RINT1: variants seen among roughly 807,000 people sequenced by gnomAD.
The protein encoded by RINT1 is RAD50 interactor 1.
In RINT1, 75 loss-of-function variants were observed where a neutral mutation model predicts 97.7. The observed-to-expected ratio is 0.77, with a 90% CI of 0.64 to 0.93. The LOEUF (loss-of-function observed/expected upper bound fraction) is 0.93, where lower values mean the gene tolerates loss of function less well. Among genes scored for constraint, RINT1 ranks in the 40% least tolerant of loss-of-function variants. The probability of loss-of-function intolerance (pLI) is 0.00; values close to 1 mark genes in which losing one functional copy is unlikely to be tolerated. For missense variants in RINT1, 892 were observed against 925.2 expected (o/e 0.96, Z 0.47); for synonymous variants, 303 against 326.3 (o/e 0.93, Z 0.77).
At chr7:105,534,969 A>G (rs1790167123) in intron 2 of RINT1, among the ~76,000 whole-genome samples, 1 of 152,214 alleles carries the variant, frequency 6.6e-6, no homozygotes, top group African/African-American at 2.4e-5. Context: ...GTTGACCAAT[A>G]TCTGACATTT....
At chr7:105,538,903 C>T (rs1008609558) in intron 3 of RINT1, among the ~76,000 whole-genome samples, 2 of 152,132 alleles carry the variant, frequency 1.3e-5, no homozygotes, top group Non-Finnish European at 2.9e-5. Flanking sequence ...ACCCTGTGTT[C>T]GTCAACCAGT....
At chr7:105,541,131 C>T (rs118146166) in intron 3 of RINT1, among the ~76,000 whole-genome samples, 2 of 150,756 alleles carry the variant, frequency 1.3e-5, no homozygotes, top group African/African-American at 4.9e-5. Context: ...AGTCACCGCA[C>T]CCAGCTTGCA....
chr7:105,539,425 A>G (rs1414778881), intron 3 of RINT1, among the ~76,000 whole-genome samples: 2 of 149,322 alleles, frequency 1.3e-5, no homozygotes, highest in African/African-American at 2.5e-5. Context: ...CAATGGCACA[A>G]TCTTGGCTCA....
At chr7:105,549,968 G>C in intron 7 of RINT1, 87 bp from the exon 8 acceptor site, 1 of 802,510 alleles carries the variant, frequency 1.2e-6, no homozygotes, top group Non-Finnish European at 2.0e-6. Flanking sequence ...TATAAGTGTT[G>C]TGCATATACA....
chr7:105,535,134 T>G (rs966809818), intron 2 of RINT1, among the ~76,000 whole-genome samples: 1 of 152,162 alleles, frequency 6.6e-6, no homozygotes, highest in African/African-American at 2.4e-5. Flanking sequence ...ATTTTGATTT[T>G]TTCCTAGTAA....
At chr7:105,535,621 T>C (rs756773711) in intron 2 of RINT1, 3 of 453,278 alleles carry the variant, frequency 6.6e-6, no homozygotes, top group Non-Finnish European at 1.3e-5. Context: ...AGTGAGATCA[T>C]GGCTCACTGC....
intron 3 of RINT1, among the ~76,000 whole-genome samples, chr7:105,538,204 G>A (rs1308151308): frequency 2.0e-5 from 3 of 152,072 alleles, no homozygotes; most frequent in African/African-American, 4.8e-5. Flanking sequence ...CTTGGGCCAA[G>A]ATGGTTTCGA....
chr7:105,546,006 G>A (rs901175461), intron 4 of RINT1, among the ~76,000 whole-genome samples: 2 of 146,728 alleles, frequency 1.4e-5, no homozygotes, highest in Non-Finnish European at 3.0e-5. Flanking sequence ...GGATGGGGAA[G>A]GGGGGGCGGG....
chr7:105,564,070 A>C, intron 12 of RINT1, 123 bp downstream of exon 12: 1 of 664,436 alleles, frequency 1.5e-6, no homozygotes, highest in Non-Finnish European at 2.6e-6. Flanking sequence ...TTGTTGATGG[A>C]AATATTTCTA....
rs769025020 is a variant in RINT1 at position 105,563,741 on chromosome 7, A to G, written c.1680A>G (p.Leu560=). 9 of 1,611,786 alleles carry G rather than the reference A, an allele frequency of 5.6e-6. No individual in the cohort carries two copies. Among genetic ancestry groups the G allele is most frequent in the Non-Finnish European group, 4.2e-6 (5 of 1,179,142 alleles). ...CATGTTTTTGCTTTCAGTTCTTTCT[A>G]CAACTTCAACAGGCTGCACTGGAGG... ...LADWADNVFF[L]QLQQAALEVF... Residue 560 remains leucine, a synonymous_variant, in exon 12 of 15, where the codon CTA becomes CTG. Coordinates refer to ENST00000257700, the MANE Select transcript of RINT1 (RefSeq NM_021930.6).
At position 105,563,753 on chromosome 7, in the gene RINT1, G is replaced by A. The variant is rs1400631073; in HGVS notation, c.1692G>A (p.Gln564=). 1.9e-6 allele frequency: 3 copies of A among 1,613,620 alleles called. No individual in the cohort carries two copies. The African/African-American group carries it at 4.0e-5, about 22-fold the overall frequency. Residue 564 remains glutamine, a synonymous_variant, in exon 12 of 15, where the codon CAG becomes CAA. Coordinates refer to ENST00000257700, the MANE Select transcript of RINT1 (RefSeq NM_021930.6). ...TTCAGTTCTTTCTACAACTTCAACA[G>A]GCTGCACTGGAGGTGTTTGCAGAGA... ...ADNVFFLQLQ[Q]AALEVFAENN...
At chr7:105,549,927 C>G in intron 7 of RINT1, 128 bp from the exon 8 acceptor site, 2 of 585,820 alleles carry the variant, frequency 3.4e-6, no homozygotes, top group Non-Finnish European at 5.9e-6. Flanking sequence ...AGAAATTGTG[C>G]TCTTACATAC....
At chr7:105,555,919 A>G (rs1791157125) in intron 11 of RINT1, among the ~76,000 whole-genome samples, 1 of 152,148 alleles carries the variant, frequency 6.6e-6, no homozygotes, top group Admixed American at 6.6e-5. Context: ...GAGCCCAGAA[A>G]TTCATGACCA....
Position 105,550,085 on chromosome 7 carries a change from T to A in RINT1, c.1027T>A (p.Trp343Arg), listed in dbSNP as rs760416206. The change falls in exon 8 of 15, where the codon TGG (tryptophan) becomes AGG (arginine). Residue 343 changes from tryptophan (W) to arginine (R), a missense_variant. Physicochemically the swap from Trp to Arg is moderately radical, Grantham distance 101. Transcript: ENST00000257700. ...PEWYLAQVLMWIGNHTEFLDE... is the reference protein window; with the variant it reads ...PEWYLAQVLMRIGNHTEFLDE... ...ATGGTACTTGGCTCAAGTACTTATG[T>A]GGATTGGAAACCATACTGAATTTCT... is the stretch of plus-strand genomic sequence containing the variant. The A allele has an allele frequency of 3.7e-6, 6 of 1,613,388 alleles. No homozygotes were observed. Among genetic ancestry groups the A allele is most frequent in the South Asian group, 1.1e-5 (1 of 90,934 alleles).
rs1791671509 is a variant in RINT1, at chr7:105,565,428, G to GAGAA, written c.2039_2042dup (p.Leu682GlufsTer14). 2 of 1,614,056 alleles carry GAGAA rather than the reference G, an allele frequency of 1.2e-6. No individual in the cohort carries two copies. The highest frequency in any genetic ancestry group is 2.2e-5 in the South Asian group (2 of 91,088). On this transcript the variant is annotated frameshift_variant, in exon 13 of 15. Coordinates refer to ENST00000257700, the MANE Select transcript of RINT1 (RefSeq NM_021930.6). LOFTEE classifies it high-confidence loss of function. ...TAAAATTTTCTGGCAAATGCTTGTA[G>GAGAA]AGAAGCTGGATGTATACATCTACCA...
At position 105,567,391 on chromosome 7, in the gene RINT1, T is replaced by A; in HGVS notation, c.*80T>A. On this transcript the variant is annotated 3_prime_UTR_variant, in exon 15 of 15. Transcript: ENST00000257700. ...TTGGATTTCAAGTTATATGATGAAA[T>A]TCTGAATTAATGAAACTGGAAAACT... 2 of 983,036 alleles carry A rather than the reference T, an allele frequency of 2.0e-6. No individual in the cohort carries two copies. The allele number at this position is 983,036 out of a possible 1,614,324, so 60.9% of individuals were successfully genotyped here.
intron 4 of RINT1, among the ~76,000 whole-genome samples, chr7:105,544,100 C>CA (rs112410324): frequency 0.028 from 3,931 of 138,748 alleles, 54 homozygotes; most frequent in Admixed American, 0.035. Context: ...AACTCCGTCT[C>CA]AAAAAAAAAA....
chr7:105,556,152 T>TGTC (rs756432580), intron 11 of RINT1, among the ~76,000 whole-genome samples: 2 of 151,674 alleles, frequency 1.3e-5, no homozygotes, highest in Non-Finnish European at 2.9e-5. Context: ...CTGCAACCTC[T>TGTC]GTCTCCTGGG....
intron 10 of RINT1, 151 bp from the exon 11 acceptor site, chr7:105,554,877 C>T: frequency 1.6e-6 from 1 of 618,784 alleles, no homozygotes; most frequent in Non-Finnish European, 2.8e-6. Flanking sequence ...TTGAAACTCA[C>T]ATCCTTAAGA....
Sources: gnomAD v4.1 joint callset for allele counts (sites outside exome capture counted in the v4.1 genomes callset) on GRCh38, gnomAD v4.1.1 for gene constraint, MANE v1.5 for transcripts, NCBI Gene and HGNC (gene_info 2026-07-23, HGNC 2026-07-21) for gene names.